The following INPP4B variants were observed in gnomAD, a reference collection of about 807,000 sequenced individuals.
INPP4B encodes inositol polyphosphate-4-phosphatase type II B, also known as inositol polyphosphate 4-phosphatase type II.
In INPP4B, 55 loss-of-function variants were observed where a neutral mutation model predicts 122.5. The ratio of observed to expected loss-of-function variants is 0.45; its 90% CI spans 0.36 to 0.56. The LOEUF (loss-of-function observed/expected upper bound fraction) is 0.56, where lower values mean the gene tolerates loss of function less well. Ranked by LOEUF, INPP4B falls within the 20% of genes least tolerant of loss-of-function variation. The pLI is 0.00. For missense variants in INPP4B, 1,000 were observed against 1,097.7 expected (o/e 0.91, Z 1.26); for synonymous variants, 403 against 388.7 (o/e 1.04, Z -0.43).
intron 5 of INPP4B, among the ~76,000 whole-genome samples, chr4:142,419,440 C>T (rs147338735): frequency 8.5e-5 from 13 of 152,212 alleles, no homozygotes; most frequent in Non-Finnish European, 1.2e-4. Flanking sequence ...TATGCTCAAA[C>T]GGACTTCTGC....
At chr4:142,195,443 A>G (rs1170594774) in intron 14 of INPP4B, among the ~76,000 whole-genome samples, 1 of 152,192 alleles carries the variant, frequency 6.6e-6, no homozygotes, top group Non-Finnish European at 1.5e-5. Context: ...TGTTCTTAAA[A>G]CAGCATCAAC....
chr4:142,820,614 C>T (rs1009915419), intron 1 of INPP4B, among the ~76,000 whole-genome samples: 39 of 152,092 alleles, frequency 2.6e-4, no homozygotes, highest in Non-Finnish European at 4.1e-4. Flanking sequence ...TTTGAGGTCA[C>T]ATAAATGTAA....
intron 1 of INPP4B, among the ~76,000 whole-genome samples, chr4:142,833,710 C>G (rs1782443082): frequency 6.6e-6 from 1 of 151,946 alleles, no homozygotes; most frequent in Non-Finnish European, 1.5e-5. Context: ...AACCTCCCAC[C>G]TCAGCCAGCA....
At chr4:142,164,103 A>T (rs576525174) in intron 16 of INPP4B, among the ~76,000 whole-genome samples, 3 of 151,994 alleles carry the variant, frequency 2.0e-5, no homozygotes, top group East Asian at 1.9e-4. Context: ...ACATTTTTCC[A>T]ATTCATATCC....
chr4:142,559,804 T>G (rs565775631), intron 2 of INPP4B, among the ~76,000 whole-genome samples: 12 of 152,312 alleles, frequency 7.9e-5, no homozygotes, highest in African/African-American at 2.6e-4. Flanking sequence ...CTAAAAATAA[T>G]AAGAAGAGAA....
intron 12 of INPP4B, among the ~76,000 whole-genome samples, chr4:142,214,961 A>T (rs1296609334): frequency 6.6e-6 from 1 of 152,236 alleles, no homozygotes; most frequent in Admixed American, 6.5e-5. Flanking sequence ...GTACCACAAT[A>T]TGTTAGAGGT....
At chr4:142,796,910 GTGTGTC>G (rs70949189) in intron 1 of INPP4B, among the ~76,000 whole-genome samples, 12,074 of 126,088 alleles carry the variant, frequency 0.096, 618 homozygotes, top group Non-Finnish European at 0.12. Context: ...GTGTGTGTGT[GTGTGTC>G]TGTGTGTAAT....
chr4:142,459,357 G>A (rs1392767521), intron 3 of INPP4B, among the ~76,000 whole-genome samples: 1 of 150,916 alleles, frequency 6.6e-6, no homozygotes, highest in African/African-American at 2.4e-5. Context: ...GTTTCATGGA[G>A]GCAATTATTT....
intron 1 of INPP4B, among the ~76,000 whole-genome samples, chr4:142,803,205 A>AAGAC (rs1418947694): frequency 1.3e-5 from 2 of 151,384 alleles, no homozygotes; most frequent in Non-Finnish European, 2.9e-5. Flanking sequence ...GAAAGAAAGA[A>AAGAC]ATGAAACATC....
chr4:142,764,864 G>A (rs532043670), intron 1 of INPP4B, among the ~76,000 whole-genome samples: 1 of 152,098 alleles, frequency 6.6e-6, no homozygotes, highest in East Asian at 1.9e-4. Flanking sequence ...CCTTAAATAT[G>A]AGGCTAAGAC....
intron 1 of INPP4B, among the ~76,000 whole-genome samples, chr4:142,815,266 A>T (rs895653879): frequency 2.6e-5 from 4 of 152,136 alleles, no homozygotes; most frequent in Non-Finnish European, 5.9e-5. Flanking sequence ...CTAAAATATA[A>T]CGTGATGTAC....
At chr4:142,623,022 A>G (rs1745315945) in intron 2 of INPP4B, among the ~76,000 whole-genome samples, 1 of 151,932 alleles carries the variant, frequency 6.6e-6, no homozygotes, top group African/African-American at 2.4e-5. Context: ...CCTCCTAAAT[A>G]TCCTCATATC....
rs1474122077 is a variant in INPP4B, at chr4:142,184,840, G to A, written c.1181+8247C>T. On this transcript the variant is annotated intron_variant, in intron 15 of 25. Transcript: ENST00000262992. Reference sequence around the variant, plus strand: ...GGGGAGGGAAAGATGATGGTGTCATGGTGCAAGATGAAGCTGGAGAAGAAA... The same window carrying A: ...GGGGAGGGAAAGATGATGGTGTCATAGTGCAAGATGAAGCTGGAGAAGAAA... 2.0e-5 allele frequency among the ~76,000 whole-genome samples: 3 copies of A among 152,086 alleles called. 1 individual carries two copies. Among genetic ancestry groups the A allele is most frequent in the Admixed American group, 6.5e-5 (1 of 15,274 alleles).
At chr4:142,249,331 T>C (rs762946103) in intron 11 of INPP4B, among the ~76,000 whole-genome samples, 1 of 152,162 alleles carries the variant, frequency 6.6e-6, no homozygotes, top group Non-Finnish European at 1.5e-5. Context: ...TGAGGGTCTA[T>C]GGGCTGAAGT....
intron 7 of INPP4B, among the ~76,000 whole-genome samples, chr4:142,331,162 T>C (rs772505436): frequency 2.0e-5 from 3 of 152,194 alleles, no homozygotes; most frequent in Non-Finnish European, 4.4e-5. Context: ...TGCAGATAAC[T>C]AACAATTGGC....
At chr4:142,754,358 A>T (rs1360320558) in intron 1 of INPP4B, among the ~76,000 whole-genome samples, 2 of 152,012 alleles carry the variant, frequency 1.3e-5, no homozygotes, top group African/African-American at 4.8e-5. Context: ...CAACAAAAAG[A>T]ATTGCTTGGA....
chr4:142,120,143 C>T (rs1795958900), intron 21 of INPP4B, among the ~76,000 whole-genome samples: 1 of 151,978 alleles, frequency 6.6e-6, no homozygotes, highest in Admixed American at 6.6e-5. Flanking sequence ...TGTTTAAAAT[C>T]AATTGACTTT....
At chr4:142,037,076 G>C (rs1396055027) in intron 25 of INPP4B, among the ~76,000 whole-genome samples, 1 of 152,158 alleles carries the variant, frequency 6.6e-6, no homozygotes, top group African/African-American at 2.4e-5. Flanking sequence ...GGCCATCACC[G>C]TGGAAGCAAA....
At chr4:142,472,775 A>AC (rs138154680) in intron 2 of INPP4B, among the ~76,000 whole-genome samples, 8 of 152,018 alleles carry the variant, frequency 5.3e-5, no homozygotes, top group Admixed American at 6.6e-5. Flanking sequence ...TATTTCTTTG[A>AC]CCCCCCATCA....
Sources: allele counts gnomAD v4.1 joint callset (sites outside exome capture counted in the v4.1 genomes callset), GRCh38; gene constraint gnomAD v4.1.1; transcripts MANE v1.5; gene names NCBI Gene and HGNC (gene_info 2026-07-23, HGNC 2026-07-21).